Variants in TTC23 observed in about 807,000 individuals in gnomAD.
TTC23 encodes tetratricopeptide repeat protein 23.
TTC23 carries 58 observed loss-of-function variants against 55.1 expected under a neutral mutation model. The observed-to-expected ratio is 1.05, with a 90% CI of 0.85 to 1.31. The LOEUF is 1.31. Ranked by LOEUF, TTC23 falls within the 50% of genes most tolerant of loss-of-function variation. The pLI is 0.00. For synonymous variants in TTC23, 203 were observed against 199.9 expected (o/e 1.02, Z -0.13); for missense variants, 516 against 534.4 (o/e 0.97, Z 0.34).
chr15:99,149,186 A>C (rs2069371407), intron 12 of TTC23, among the ~76,000 whole-genome samples: 1 of 152,256 alleles, frequency 6.6e-6, no homozygotes, highest in African/African-American at 2.4e-5. Flanking sequence ...GCATGTTTCA[A>C]GTCCCCATTT....
intron 5 of TTC23, among the ~76,000 whole-genome samples, chr15:99,223,855 G>A (rs1382932925): frequency 2.6e-5 from 4 of 152,318 alleles, no homozygotes; most frequent in African/African-American, 9.6e-5. Context: ...CTAAGTTATT[G>A]GGGTGTCATG....
upstream of TTC23, among the ~76,000 whole-genome samples, chr15:99,250,853 A>T (rs1263859078): frequency 6.6e-6 from 1 of 152,048 alleles, no homozygotes; most frequent in East Asian, 1.9e-4. Context: ...GTTCGTAGTG[A>T]CCCCTTAAAT....
chr15:99,214,507 CAAA>C (rs532096253), intron 8 of TTC23, among the ~76,000 whole-genome samples: 25 of 99,010 alleles, frequency 2.5e-4, no homozygotes, highest in African/African-American at 8.5e-4. Context: ...GACTGCATCT[CAAA>C]AAAAAAAAAA....
chr15:99,190,835 G>A (rs985658046), intron 9 of TTC23, among the ~76,000 whole-genome samples: 13 of 152,104 alleles, frequency 8.5e-5, no homozygotes, highest in Non-Finnish European at 4.4e-5. Context: ...AGGTTGGAGT[G>A]CAGTGATGCT....
chr15:99,162,109 A>G (rs1387745947), intron 10 of TTC23, among the ~76,000 whole-genome samples: 3 of 152,222 alleles, frequency 2.0e-5, no homozygotes, highest in Non-Finnish European at 4.4e-5. Context: ...TGATACATAA[A>G]GAAAAGTTAC....
chr15:99,138,471 G>C (rs957834960), intron 13 of TTC23, among the ~76,000 whole-genome samples: 1 of 152,016 alleles, frequency 6.6e-6, no homozygotes, highest in Admixed American at 6.6e-5. Context: ...ATGCCACCAC[G>C]CCCAGCTAAT....
chr15:99,224,509 T>C (rs1213179695), intron 5 of TTC23, among the ~76,000 whole-genome samples: 2 of 152,266 alleles, frequency 1.3e-5, no homozygotes, highest in African/African-American at 2.4e-5. Context: ...TATATGACTA[T>C]ATCATAACTG....
At chr15:99,166,278 A>G (rs530797419) in intron 10 of TTC23, among the ~76,000 whole-genome samples, 243 of 152,174 alleles carry the variant, frequency 1.6e-3, no homozygotes, top group African/African-American at 5.6e-3. Context: ...ACCTCCCAGG[A>G]TTCCTTCCCC....
In TTC23 at chr15:99,233,122, G is replaced by A. The variant is rs1196564235; in HGVS notation, c.-21+1866C>T. ...AGTAGAGAGTAGAATGCTGGTTAGC[G>A]GAGGTTGTGGGAGGAGGAATAAATT... On this transcript the variant is annotated intron_variant, in intron 4 of 13. Transcript: ENST00000394132. Among the ~76,000 whole-genome samples the A allele has an allele frequency of 4.6e-5, 7 of 152,164 alleles. No homozygotes were observed. The East Asian group carries it at 5.8e-4, about 13-fold the overall frequency.
At chr15:99,164,735 G>A (rs768841381) in intron 10 of TTC23, among the ~76,000 whole-genome samples, 3 of 152,108 alleles carry the variant, frequency 2.0e-5, no homozygotes, top group Non-Finnish European at 4.4e-5. Context: ...AATTGATTTG[G>A]ATTTATTTTT....
upstream of TTC23, among the ~76,000 whole-genome samples, chr15:99,250,583 G>A (rs2080646976): frequency 6.6e-6 from 1 of 152,126 alleles, no homozygotes; most frequent in Admixed American, 6.5e-5. Flanking sequence ...TTTAAAAAGT[G>A]TCTTTTAAAA....
At chr15:99,164,887 GAA>G (rs2071852208) in intron 10 of TTC23, among the ~76,000 whole-genome samples, 2 of 152,202 alleles carry the variant, frequency 1.3e-5, no homozygotes, top group South Asian at 4.1e-4. Context: ...GGGTGAATGG[GAA>G]AGAGAGCAGG....
chr15:99,161,189 T>C (rs2071332715), intron 11 of TTC23: 1 of 151,954 alleles, frequency 6.6e-6, no homozygotes, highest in Non-Finnish European at 1.5e-5. Context: ...TATTAATATG[T>C]ACACACACAC....
chr15:99,229,007 T>C (rs534856957), intron 4 of TTC23, among the ~76,000 whole-genome samples: 2 of 152,082 alleles, frequency 1.3e-5, no homozygotes, highest in Non-Finnish European at 2.9e-5. Context: ...TGTATATGTG[T>C]ATGTATTACA....
At chr15:99,184,831 T>A (rs2074511793) in intron 9 of TTC23, among the ~76,000 whole-genome samples, 2 of 152,186 alleles carry the variant, frequency 1.3e-5, no homozygotes, top group Admixed American at 1.3e-4. Flanking sequence ...TTTGGCTTTG[T>A]GTCCCCACCC....
chr15:99,162,439 A>G (rs1222615724), intron 10 of TTC23, among the ~76,000 whole-genome samples: 1 of 151,786 alleles, frequency 6.6e-6, no homozygotes, highest in Non-Finnish European at 1.5e-5. Context: ...GAATGCAAGA[A>G]AAAGAAAACC....
chr15:99,243,603 A>G (rs945186133), intron 2 of TTC23, among the ~76,000 whole-genome samples: 1 of 152,256 alleles, frequency 6.6e-6, no homozygotes, highest in Non-Finnish European at 1.5e-5. Flanking sequence ...GTTCATCAAC[A>G]CATGAATGGA....
chr15:99,222,689 A>G (rs2078046692), intron 5 of TTC23, among the ~76,000 whole-genome samples: 2 of 152,280 alleles, frequency 1.3e-5, no homozygotes, highest in Admixed American at 1.3e-4. Context: ...CTCAAAGCAG[A>G]GCTGGCAGTT....
At chr15:99,198,570 C>G (rs1265723923) in intron 9 of TTC23, among the ~76,000 whole-genome samples, 1 of 152,194 alleles carries the variant, frequency 6.6e-6, no homozygotes, top group Non-Finnish European at 1.5e-5. Flanking sequence ...ACAAATCATC[C>G]AGAACAATCT....
Sources: gnomAD v4.1 joint callset for allele counts (sites outside exome capture counted in the v4.1 genomes callset) on GRCh38, gnomAD v4.1.1 for gene constraint, MANE v1.5 for transcripts, NCBI Gene and HGNC (gene_info 2026-07-23, HGNC 2026-07-21) for gene names.